Variants in CCDC180 observed in about 807,000 individuals in gnomAD.
CCDC180 encodes the protein coiled-coil domain containing 180, also known as coiled-coil domain-containing protein 180.
Under a neutral mutation model 209.2 loss-of-function variants are expected in CCDC180, and 154 were observed. The ratio of observed to expected loss-of-function variants is 0.74; its 90% confidence interval spans 0.65 to 0.84. The LOEUF is 0.84. Ranked by LOEUF, CCDC180 falls within the 40% of genes least tolerant of loss-of-function variation. CCDC180 has a pLI of 0.00. For missense variants in CCDC180, 1,874 were observed against 1,997.3 expected (o/e 0.94, Z 1.18); for synonymous variants, 778 against 749.1 (o/e 1.04, Z -0.63).
At chr9:97,339,527 A>G (rs990897269) in intron 18 of CCDC180, among the ~76,000 whole-genome samples, 23 of 152,124 alleles carry the variant, frequency 1.5e-4, no homozygotes, top group African/African-American at 2.9e-4. Context: ...TGAGAGATCC[A>G]CTGTTAGTCT....
At chr9:97,309,726 A>G (rs766939975) in intron 3 of CCDC180, 122 bp downstream of exon 3, 4 of 751,030 alleles carry the variant, frequency 5.3e-6, no homozygotes, top group Non-Finnish European at 8.1e-6. Context: ...CCACCCCTAA[A>G]GCAGGGAGGC....
rs1386060625 is a variant in CCDC180, at chr9:97,365,736, A to C, written c.4044A>C (p.Ala1348=). 1 of 1,613,912 alleles carries C rather than the reference A, an allele frequency of 6.2e-7. No homozygotes were observed. The highest frequency in any genetic ancestry group is 8.5e-7 in the Non-Finnish European group (1 of 1,179,942). ...GCAGTGAGAACCTGCTGACAGTCGC[A>C]GAGGTGAGGACCACCACCCATGGCC... ...WESSENLLTV[A]EEFYRKEKRP... Residue 1348 remains alanine, a synonymous_variant, in exon 30 of 37, where the codon GCA becomes GCC. Coordinates refer to ENST00000529487, the MANE Select transcript of CCDC180 (RefSeq NM_020893.6).
At chr9:97,348,094 T>C (rs369967922) in intron 20 of CCDC180, among the ~76,000 whole-genome samples, 2 of 131,978 alleles carry the variant, frequency 1.5e-5, no homozygotes, top group African/African-American at 5.8e-5. Flanking sequence ...TTCACACCTA[T>C]GTGGTGGACT....
At chr9:97,368,462 T>C (rs967237582) in intron 31 of CCDC180, among the ~76,000 whole-genome samples, 2 of 152,066 alleles carry the variant, frequency 1.3e-5, no homozygotes, top group African/African-American at 4.8e-5. Context: ...GTAAGGCAAA[T>C]GAGACGGAAA....
chr9:97,353,539 C>T (rs1339303646), intron 22 of CCDC180, among the ~76,000 whole-genome samples: 1 of 152,054 alleles, frequency 6.6e-6, no homozygotes, highest in African/African-American at 2.4e-5. Context: ...CACTCATTTT[C>T]CTTGGGACTT....
chr9:97,374,310 CA>C, intron 34 of CCDC180: 1 of 502,616 alleles, frequency 2.0e-6, no homozygotes, highest in East Asian at 3.3e-5. Flanking sequence ...GAGCTGGGAA[CA>C]GCACCCACAC....
chr9:97,335,017 A>T (rs951200757), intron 18 of CCDC180, among the ~76,000 whole-genome samples: 1 of 152,162 alleles, frequency 6.6e-6, no homozygotes, highest in African/African-American at 2.4e-5. Flanking sequence ...CATTTCATTA[A>T]ATTAAATCTC....
intron 18 of CCDC180, among the ~76,000 whole-genome samples, chr9:97,339,389 A>G (rs1188962355): frequency 6.6e-6 from 1 of 152,138 alleles, no homozygotes; most frequent in African/African-American, 2.4e-5. Context: ...CTTGTCTGTA[A>G]AGGATTTTAT....
intron 18 of CCDC180, among the ~76,000 whole-genome samples, chr9:97,335,322 T>C (rs886889598): frequency 1.3e-5 from 2 of 151,950 alleles, no homozygotes; most frequent in Non-Finnish European, 2.9e-5. Context: ...ATGCTATCCC[T>C]CCCCCATTCC....
In CCDC180 at chr9:97,354,717, G is replaced by A. The variant is rs779201185; in HGVS notation, c.3147+4G>A. On this transcript the variant is annotated splice_donor_region_variant and intron_variant, in intron 23 of 36. Transcript: ENST00000529487. Reference sequence around the variant, plus strand: ...GGAGAATGAGTACCTGGACCAGGTAGGGCCCCCAGCCAGGCCCCAGGCCAA... The same window carrying A: ...GGAGAATGAGTACCTGGACCAGGTAAGGCCCCCAGCCAGGCCCCAGGCCAA... 1.2e-6 allele frequency: 2 copies of A among 1,614,056 alleles called. No individual in the cohort carries two copies. The highest frequency in any genetic ancestry group is 1.6e-4 in the Middle Eastern group (1 of 6,084).
At chr9:97,329,884 C>T (rs1384248370) in intron 16 of CCDC180, among the ~76,000 whole-genome samples, 11 of 151,986 alleles carry the variant, frequency 7.2e-5, no homozygotes, top group Admixed American at 2.0e-4. Flanking sequence ...CTGGTTAACA[C>T]GGTGAAACCC....
rs1825705971 is a variant in CCDC180 at position 97,330,509 on chromosome 9, G to C, written c.2016G>C (p.Gln672His). Residue 672 changes from glutamine to histidine, a missense_variant, in exon 18 of 37, where the codon CAG (glutamine) becomes CAC (histidine). Transcript: ENST00000529487. Reference sequence around the variant, plus strand: ...TCATAACTGAAGAGGTGCTGGGGCAGCAGAAAAAATCTCCACTGCATGCTA... The same window carrying C: ...TCATAACTGAAGAGGTGCTGGGGCACCAGAAAAAATCTCCACTGCATGCTA... ...ESFITEEVLG[Q>H]QKKSPLHAKM... is the part of the protein sequence containing the mutation. 1 of 1,614,156 alleles carries C rather than the reference G, an allele frequency of 6.2e-7. No homozygotes were observed. The highest frequency in any genetic ancestry group is 1.3e-5 in the African/African-American group (1 of 75,030).
At chr9:97,335,595 GGTTTCAA>G (rs996548734) in intron 18 of CCDC180, among the ~76,000 whole-genome samples, 1 of 152,120 alleles carries the variant, frequency 6.6e-6, no homozygotes, top group African/African-American at 2.4e-5. Context: ...TATTTGGGTT[GGTTTCAA>G]GTCTTTGCTA....
At chr9:97,370,207 A>G (rs1375193947) in intron 32 of CCDC180, 125 bp downstream of exon 32, 1 of 1,065,602 alleles carries the variant, frequency 9.4e-7, no homozygotes. Context: ...GGATTTTTGG[A>G]TGGGGGCTGA....
chr9:97,375,511 G>A lies in CCDC180; in HGVS notation c.4764G>A (p.Gln1588=). The change falls in exon 36 of 37, where the codon CAG becomes CAA. Residue 1588 remains glutamine, a synonymous_variant. Transcript: ENST00000529487. ...EVTIQNKILL[Q]PTSSISTTKT... ...CCATCCAAAACAAGATTCTTCTCCA[G>A]CCAACATCATCGATTTCCACCACCA... The A allele has an allele frequency of 6.2e-7, 1 of 1,614,200 alleles. No homozygotes were observed. Among genetic ancestry groups the A allele is most frequent in the South Asian group, 1.1e-5 (1 of 91,080 alleles).
At chr9:97,356,912 T>C (rs766736109) in intron 24 of CCDC180, among the ~76,000 whole-genome samples, 3 of 152,222 alleles carry the variant, frequency 2.0e-5, no homozygotes, top group Non-Finnish European at 4.4e-5. Flanking sequence ...CATGAAAAGA[T>C]GGGGATATGC....
rs1827310023 is a variant in CCDC180 at position 97,378,408 on chromosome 9, C to G, written c.*1514C>G. Reference sequence around the variant, plus strand: ...TTTTCATACTTTTCTGACTCTGACCCACTGTATAAACATGTTCTAAACACA... The same window carrying G: ...TTTTCATACTTTTCTGACTCTGACCGACTGTATAAACATGTTCTAAACACA... On this transcript the variant is annotated 3_prime_UTR_variant, in exon 37 of 37. Coordinates refer to ENST00000529487, the MANE Select transcript of CCDC180 (RefSeq NM_020893.6). The G allele has an allele frequency of 6.6e-6, 1 of 152,200 alleles. No homozygotes were observed. The highest frequency in any genetic ancestry group is 2.1e-4 in the South Asian group (1 of 4,828). The allele number at this position is 152,200 out of a possible 1,614,324, so 9.4% of individuals were successfully genotyped here. A position where few individuals can be genotyped will look rare whatever the true frequency, so the allele number is the denominator to read the frequency against.
chr9:97,370,569 T>C (rs1301638551), intron 32 of CCDC180, 72 bp from the exon 33 acceptor site: 14 of 1,544,390 alleles, frequency 9.1e-6, no homozygotes, highest in Non-Finnish European at 1.1e-5. Context: ...TAATCATAAT[T>C]GACAGAAGAC....
intron 10 of CCDC180, among the ~76,000 whole-genome samples, chr9:97,318,940 T>C (rs1454194186): frequency 1.3e-5 from 2 of 152,092 alleles, no homozygotes; most frequent in Non-Finnish European, 2.9e-5. Flanking sequence ...CTTTGCAGTT[T>C]GGAGGTATGT....
Sources: allele counts gnomAD v4.1 joint callset (sites outside exome capture counted in the v4.1 genomes callset), GRCh38; gene constraint gnomAD v4.1.1; transcripts MANE v1.5; gene names NCBI Gene and HGNC (gene_info 2026-07-23, HGNC 2026-07-21).